Variants in DCDC1 observed in about 807,000 individuals in gnomAD.
DCDC1 encodes the protein doublecortin domain-containing protein 1.
Under a neutral mutation model 178.3 loss-of-function variants are expected in DCDC1, and 200 were observed. The observed-to-expected ratio is 1.12, with a 90% CI of 1.00 to 1.26. DCDC1 has a LOEUF of 1.26. Ranked by LOEUF, DCDC1 falls within the 50% of genes most tolerant of loss-of-function variation. The pLI, the probability that DCDC1 is intolerant of heterozygous loss-of-function variation, is 0.00. For missense variants in DCDC1, 1,983 were observed against 1,749.2 expected, an observed-to-expected ratio of 1.13 and a Z score of -2.38; for synonymous variants, 690 against 604.8, an observed-to-expected ratio of 1.14 and a Z score of -2.07.
intron 37 of DCDC1, among the ~76,000 whole-genome samples, chr11:30,880,921 G>GC (rs970123934): frequency 3.9e-5 from 6 of 152,090 alleles, no homozygotes; most frequent in Non-Finnish European, 5.9e-5. Flanking sequence ...CTGCAAATAA[G>GC]CCCCCTGGAT....
intron 9 of DCDC1, among the ~76,000 whole-genome samples, chr11:31,157,462 CATAT>C (rs10539767): frequency 1.4e-4 from 21 of 147,676 alleles, no homozygotes; most frequent in African/African-American, 5.2e-4. Context: ...AATGAATATA[CATAT>C]ATATATATGT....
chr11:30,909,051 T>C lies in DCDC1; in HGVS notation c.3813A>G (p.Ala1271=). 1 of 1,611,900 alleles carries C rather than the reference T, an allele frequency of 6.2e-7. No homozygotes were observed. The highest frequency in any genetic ancestry group is 8.5e-7 in the Non-Finnish European group (1 of 1,178,630). The change falls in exon 29 of 39, where the codon GCA becomes GCG. Residue 1271 remains alanine, a synonymous_variant. Transcript: ENST00000684477. ...QKWHYMKNIK[A]LVAFHSTALD... Reference sequence around the variant, plus strand: ...AGGCAGTGCTATGAAAGGCCACAAGTGCTTTTATATTTTTCATGTAATGCC... The same window carrying C: ...AGGCAGTGCTATGAAAGGCCACAAGCGCTTTTATATTTTTCATGTAATGCC...
At chr11:31,220,320 T>A (rs1347995951) in intron 9 of DCDC1, among the ~76,000 whole-genome samples, 3 of 152,230 alleles carry the variant, frequency 2.0e-5, no homozygotes, top group Admixed American at 1.3e-4. Flanking sequence ...ATATTCTTGA[T>A]GAAACTATTT....
intron 6 of DCDC1, among the ~76,000 whole-genome samples, chr11:31,293,540 C>T (rs1947382437): frequency 1.3e-5 from 2 of 152,096 alleles, no homozygotes; most frequent in South Asian, 4.1e-4. Context: ...CGAATGCCTC[C>T]TCAAATTGTG....
intron 20 of DCDC1, among the ~76,000 whole-genome samples, chr11:31,043,965 GT>G (rs1417204168): frequency 6.6e-6 from 1 of 151,986 alleles, no homozygotes; most frequent in Non-Finnish European, 1.5e-5. Flanking sequence ...CAGGAGTGTG[GT>G]AGATAGAATT....
intron 20 of DCDC1, among the ~76,000 whole-genome samples, chr11:30,963,634 C>T (rs1198217204): frequency 6.6e-6 from 1 of 152,116 alleles, no homozygotes; most frequent in African/African-American, 2.4e-5. Flanking sequence ...GCTGGACTAA[C>T]TGCTTTAGAG....
chr11:31,195,116 C>T (rs1024858934), intron 9 of DCDC1, among the ~76,000 whole-genome samples: 3 of 152,098 alleles, frequency 2.0e-5, no homozygotes, highest in African/African-American at 7.2e-5. Flanking sequence ...AGAGTTACAA[C>T]ATACACGTTT....
chr11:31,091,383 T>G lies in DCDC1; in HGVS notation c.2237+10A>C. Reference sequence around the variant, plus strand: ...TTATTATCTTGAGCTAAATAATTTATAAGCATTACCTTTTCTGTAAGATTA... The same window carrying G: ...TTATTATCTTGAGCTAAATAATTTAGAAGCATTACCTTTTCTGTAAGATTA... On this transcript the variant is annotated intron_variant, in intron 17 of 38. Transcript: ENST00000684477. 1.4e-6 allele frequency: 1 copy of G among 720,550 alleles called. No homozygotes were observed. Among genetic ancestry groups the G allele is most frequent in the Non-Finnish European group, 2.5e-6 (1 of 393,252 alleles). 44.6% of individuals were successfully genotyped at this position (720,550 alleles called of 1,614,324 possible).
At chr11:31,136,945 T>C (rs1204071428) in intron 10 of DCDC1, among the ~76,000 whole-genome samples, 1 of 152,166 alleles carries the variant, frequency 6.6e-6, no homozygotes, top group Non-Finnish European at 1.5e-5. Flanking sequence ...TAAACTATAG[T>C]TTTCCCTTGA....
chr11:31,190,146 CT>C (rs1969976192), intron 9 of DCDC1, among the ~76,000 whole-genome samples: 1 of 152,134 alleles, frequency 6.6e-6, no homozygotes, highest in Non-Finnish European at 1.5e-5. Flanking sequence ...ATAGCACATA[CT>C]TTACCTCACG....
intron 7 of DCDC1, among the ~76,000 whole-genome samples, chr11:31,287,440 A>G (rs1946915697): frequency 6.6e-6 from 1 of 152,048 alleles, no homozygotes; most frequent in African/African-American, 2.4e-5. Flanking sequence ...AGAAATATAT[A>G]CAGTTTAACA....
chr11:31,125,885 C>A (rs1165779907), intron 11 of DCDC1, among the ~76,000 whole-genome samples: 1 of 151,888 alleles, frequency 6.6e-6, no homozygotes, highest in African/African-American at 2.4e-5. Context: ...CACACGTTTA[C>A]AAACCTGCAC....
At chr11:31,254,175 T>C (rs1944261653) in intron 8 of DCDC1, among the ~76,000 whole-genome samples, 1 of 152,166 alleles carries the variant, frequency 6.6e-6, no homozygotes, top group Admixed American at 6.6e-5. Context: ...AATTGGAAGA[T>C]TATTCCAAGT....
At chr11:31,285,610 A>AT (rs1313444413) in intron 7 of DCDC1, among the ~76,000 whole-genome samples, 1 of 151,984 alleles carries the variant, frequency 6.6e-6, no homozygotes, top group Non-Finnish European at 1.5e-5. Context: ...AATTTTCTTA[A>AT]TTTTTTGTTT....
chr11:31,104,195 T>C (rs528086599), intron 13 of DCDC1, among the ~76,000 whole-genome samples: 15 of 152,200 alleles, frequency 9.9e-5, no homozygotes, highest in Non-Finnish European at 1.6e-4. Flanking sequence ...GCCATGCTGA[T>C]TTGATTTTCA....
chr11:31,156,222 T>G (rs973016962), intron 9 of DCDC1, among the ~76,000 whole-genome samples: 1 of 152,210 alleles, frequency 6.6e-6, no homozygotes, highest in Non-Finnish European at 1.5e-5. Context: ...GAAATACAGA[T>G]CTACTAATGA....
intron 8 of DCDC1, among the ~76,000 whole-genome samples, chr11:31,256,624 T>C (rs1271107552): frequency 6.6e-6 from 1 of 152,170 alleles, no homozygotes; most frequent in Non-Finnish European, 1.5e-5. Flanking sequence ...TTAAGATTTG[T>C]TTGTTTGCCT....
intron 21 of DCDC1, among the ~76,000 whole-genome samples, chr11:30,945,997 A>G (rs561593417): frequency 4.3e-4 from 65 of 152,186 alleles, no homozygotes; most frequent in African/African-American, 1.4e-3. Context: ...ATTCAATCAA[A>G]TTGAAGGTTC....
chr11:31,309,901 A>C (rs1948668779), intron 3 of DCDC1, among the ~76,000 whole-genome samples: 1 of 152,094 alleles, frequency 6.6e-6, no homozygotes, highest in Non-Finnish European at 1.5e-5. Context: ...TATGGATTTT[A>C]CTGGAATATA....
Sources: allele counts gnomAD v4.1 joint callset (sites outside exome capture counted in the v4.1 genomes callset), GRCh38; gene constraint gnomAD v4.1.1; transcripts MANE v1.5; gene names NCBI Gene and HGNC (gene_info 2026-07-23, HGNC 2026-07-21).